Variants in MKLN1 observed in about 807,000 individuals in gnomAD.
MKLN1 encodes muskelin.
Under a neutral mutation model 99.0 loss-of-function variants are expected in MKLN1, and 18 were observed. That is an observed-to-expected ratio of 0.18 (90% CI 0.13 to 0.27). MKLN1 has a LOEUF of 0.27. Among genes scored for constraint, MKLN1 ranks in the 10% least tolerant of loss-of-function variants. The pLI, the probability that MKLN1 is intolerant of heterozygous loss-of-function variation, is 1.00. For missense variants in MKLN1, 621 were observed against 875.9 expected (o/e 0.71, Z 3.67); for synonymous variants, 288 against 293.2 (o/e 0.98, Z 0.18).
At chr7:131,381,111 A>G (rs28639934) in intron 2 of MKLN1, among the ~76,000 whole-genome samples, 2,456 of 152,314 alleles carry the variant, frequency 0.016, 46 homozygotes, top group African/African-American at 0.054. Flanking sequence ...TATAACTCAT[A>G]TCATAATGAG....
intron 1 of MKLN1, among the ~76,000 whole-genome samples, chr7:131,353,903 T>TA (rs35581656): frequency 0.35 from 39,804 of 113,176 alleles, 7,192 homozygotes; most frequent in East Asian, 0.45. Flanking sequence ...TGTACCTTTG[T>TA]AAAAAAAAAA....
At chr7:131,292,737 T>A (rs1798239187) in intron 3 of MKLN1, among the ~76,000 whole-genome samples, 1 of 152,156 alleles carries the variant, frequency 6.6e-6, no homozygotes, top group African/African-American at 2.4e-5. Context: ...AGACAATACA[T>A]TTCTGTTTTT....
chr7:131,180,673 T>C (rs1364384509), intron 2 of MKLN1, among the ~76,000 whole-genome samples: 2 of 145,774 alleles, frequency 1.4e-5, no homozygotes, highest in Non-Finnish European at 3.0e-5. Flanking sequence ...CACTCCAGCC[T>C]GGGCGACAGA....
At chr7:131,124,415 G>C (rs1447481681) in intron 1 of MKLN1, among the ~76,000 whole-genome samples, 3 of 152,168 alleles carry the variant, frequency 2.0e-5, no homozygotes, top group Non-Finnish European at 4.4e-5. Context: ...AAGGCACCTG[G>C]CCAGTTGTCT....
At chr7:131,455,800 C>A (rs1029223185) in intron 12 of MKLN1, among the ~76,000 whole-genome samples, 1 of 152,150 alleles carries the variant, frequency 6.6e-6, no homozygotes, top group East Asian at 1.9e-4. Context: ...AATCCCAACA[C>A]TTTGGGAGGC....
chr7:131,294,362 GAGATAA>G (rs1210268191), intron 3 of MKLN1, among the ~76,000 whole-genome samples: 1 of 152,162 alleles, frequency 6.6e-6, no homozygotes, highest in African/African-American at 2.4e-5. Flanking sequence ...TTTACAGAAA[GAGATAA>G]AGCAAAAGTG....
chr7:131,438,284 A>C (rs943464304), intron 10 of MKLN1, among the ~76,000 whole-genome samples: 8 of 151,968 alleles, frequency 5.3e-5, no homozygotes, highest in African/African-American at 1.9e-4. Context: ...TAGTTTTATA[A>C]TACATATGCA....
chr7:131,178,850 A>G (rs1796338868), intron 2 of MKLN1, among the ~76,000 whole-genome samples: 1 of 152,310 alleles, frequency 6.6e-6, no homozygotes. Context: ...GCCCAATATA[A>G]AAGTTTGCCT....
intron 3 of MKLN1, among the ~76,000 whole-genome samples, chr7:131,309,060 T>TA (rs1798515039): frequency 6.6e-6 from 1 of 152,222 alleles, no homozygotes; most frequent in Non-Finnish European, 1.5e-5. Context: ...TAAGGTTCAA[T>TA]ATGTCTCAAT....
At position 131,465,819 on chromosome 7, in the gene MKLN1, G is replaced by A. The variant is rs367865719; in HGVS notation, c.1789-457G>A. Among the ~76,000 whole-genome samples the A allele has an allele frequency of 3.6e-4, 55 of 152,290 alleles. 2 individuals carry two copies. In the South Asian group the frequency reaches 0.011, roughly 32 times the overall value. Reference sequence around the variant, plus strand: ...CTCCCAAAGTGCTGGGATTACAGGCGTGAGCCACCGCGCCTGGCCTAAAAT... The same window carrying A: ...CTCCCAAAGTGCTGGGATTACAGGCATGAGCCACCGCGCCTGGCCTAAAAT... On this transcript the variant is annotated intron_variant, in intron 14 of 17. Coordinates refer to ENST00000352689, the MANE Select transcript of MKLN1 (RefSeq NM_013255.5).
In MKLN1 at chr7:131,248,621, C is replaced by T. The variant is rs554479290; in HGVS notation, c.-179+45647C>T. Among the ~76,000 whole-genome samples, 4 of 152,166 alleles carry T rather than the reference C, an allele frequency of 2.6e-5. No homozygotes were observed. In the East Asian group the frequency reaches 5.8e-4, roughly 22 times the overall value. On this transcript the variant is annotated intron_variant, in intron 3 of 7. Transcript: ENST00000416992. ...CTAAAGGGTTTACCTCTGTGTAAAC[C>T]CTTTACTGGTAGCAAGGGAACTCAA...
chr7:131,341,472 G>A (rs1230108862), intron 1 of MKLN1, among the ~76,000 whole-genome samples: 1 of 152,114 alleles, frequency 6.6e-6, no homozygotes, highest in African/African-American at 2.4e-5. Context: ...CTTCCATTTA[G>A]GATGTTGTTT....
intron 3 of MKLN1, among the ~76,000 whole-genome samples, chr7:131,231,831 A>G (rs1484724230): frequency 6.6e-6 from 1 of 152,248 alleles, no homozygotes; most frequent in African/African-American, 2.4e-5. Flanking sequence ...GAAACAGAGA[A>G]GGAAGTTGCA....
chr7:131,367,323 A>G (rs1010480663), intron 1 of MKLN1, among the ~76,000 whole-genome samples: 3 of 152,162 alleles, frequency 2.0e-5, no homozygotes, highest in African/African-American at 4.8e-5. Flanking sequence ...ACCAGTTCTC[A>G]GTTATTATTT....
intron 1 of MKLN1, among the ~76,000 whole-genome samples, chr7:131,140,151 C>T (rs945018375): frequency 1.3e-5 from 2 of 152,220 alleles, no homozygotes; most frequent in African/African-American, 4.8e-5. Context: ...GGTCAGATAT[C>T]TCCATGGTAC....
intron 3 of MKLN1, among the ~76,000 whole-genome samples, chr7:131,227,800 A>G (rs146238445): frequency 0.015 from 2,273 of 152,138 alleles, 59 homozygotes; most frequent in African/African-American, 0.053. Context: ...TCCTGGCCTC[A>G]AGGAATCTGC....
chr7:131,292,780 A>G (rs1306653278), intron 3 of MKLN1, among the ~76,000 whole-genome samples: 1 of 152,232 alleles, frequency 6.6e-6, no homozygotes, highest in African/African-American at 2.4e-5. Flanking sequence ...CTTTGTTACC[A>G]TAGCTCCAGG....
intron 16 of MKLN1, among the ~76,000 whole-genome samples, chr7:131,474,686 GAAATTTTA>G (rs1297610812): frequency 6.6e-6 from 1 of 152,174 alleles, no homozygotes; most frequent in African/African-American, 2.4e-5. Flanking sequence ...AAACAATGGA[GAAATTTTA>G]AAAGTGAAAA....
chr7:131,469,658 C>T (rs1014854925), intron 15 of MKLN1, among the ~76,000 whole-genome samples: 3 of 152,174 alleles, frequency 2.0e-5, no homozygotes, highest in South Asian at 2.1e-4. Context: ...TGAACACCAT[C>T]GTGAAAGGCT....
Sources: gnomAD v4.1 joint callset for allele counts (sites outside exome capture counted in the v4.1 genomes callset) on GRCh38, gnomAD v4.1.1 for gene constraint, MANE v1.5 for transcripts, NCBI Gene and HGNC (gene_info 2026-07-23, HGNC 2026-07-21) for gene names.